The following IL1RAPL1 variants were observed in gnomAD, a reference collection of about 807,000 sequenced individuals.
The protein encoded by IL1RAPL1 is interleukin-1 receptor accessory protein-like 1.
In IL1RAPL1, 3 loss-of-function variants were observed where a neutral mutation model predicts 48.4. The ratio of observed to expected loss-of-function variants is 0.06; its 90% CI spans 0.03 to 0.16. The LOEUF (loss-of-function observed/expected upper bound fraction) is 0.16, where lower values mean the gene tolerates loss of function less well. IL1RAPL1 is among the 10% of genes least tolerant of loss of function. IL1RAPL1 has a pLI of 1.00. For synonymous variants in IL1RAPL1, 185 were observed against 187.7 expected (o/e 0.99, Z 0.12); for missense variants, 349 against 530.6 (o/e 0.66, Z 3.36).
chrX:28,839,130 G>A (rs1277787188), intron 2 of IL1RAPL1, among the ~76,000 whole-genome samples: 1 of 111,685 alleles, frequency 9.0e-6, no homozygotes, highest in Non-Finnish European at 1.9e-5. Flanking sequence ...CGAACACTTG[G>A]AATTTTTATA....
At chrX:29,146,415 C>G (rs1351092713) in intron 2 of IL1RAPL1, among the ~76,000 whole-genome samples, 1 of 111,468 alleles carries the variant, frequency 9.0e-6, no homozygotes, top group Admixed American at 9.6e-5. Flanking sequence ...TGCACCCTTT[C>G]CCTCCTTACA....
intron 2 of IL1RAPL1, among the ~76,000 whole-genome samples, chrX:29,155,679 A>G (rs1929555048): frequency 8.9e-6 from 1 of 112,018 alleles, no homozygotes; most frequent in Non-Finnish European, 1.9e-5. Context: ...TAAATATAAA[A>G]TAGAACCTTG....
intron 5 of IL1RAPL1, among the ~76,000 whole-genome samples, chrX:29,618,421 C>T (rs1402455276): frequency 8.9e-6 from 1 of 112,149 alleles, no homozygotes; most frequent in East Asian, 2.8e-4. Flanking sequence ...AAGCCACACA[C>T]GTTTAATTTT....
chrX:29,493,706 A>C (rs1479254818), intron 5 of IL1RAPL1, among the ~76,000 whole-genome samples: 1 of 111,374 alleles, frequency 9.0e-6, no homozygotes, highest in Non-Finnish European at 1.9e-5. Flanking sequence ...GTCAGGGGAT[A>C]CATGTGCAGG....
At chrX:29,465,485 G>A (rs1311238895) in intron 5 of IL1RAPL1, among the ~76,000 whole-genome samples, 5 of 111,706 alleles carry the variant, frequency 4.5e-5, no homozygotes, top group Admixed American at 9.5e-5. Flanking sequence ...ACTTCAGTGC[G>A]TGTCATGAGA....
chrX:29,605,510 G>A (rs1265750065), intron 5 of IL1RAPL1, among the ~76,000 whole-genome samples: 6 of 110,291 alleles, frequency 5.4e-5, no homozygotes, highest in African/African-American at 1.7e-4. Flanking sequence ...CCTTCAAAGC[G>A]GGAATCCTTA....
intron 5 of IL1RAPL1, among the ~76,000 whole-genome samples, chrX:29,489,187 C>T (rs189028449): frequency 5.5e-4 from 61 of 111,253 alleles, no homozygotes; most frequent in African/African-American, 1.5e-3. Context: ...GCTGTGGCCT[C>T]CCAGTTCTGC....
intron 6 of IL1RAPL1, among the ~76,000 whole-genome samples, chrX:29,814,560 T>C (rs1332160271): frequency 8.9e-6 from 1 of 111,884 alleles, no homozygotes; most frequent in African/African-American, 3.3e-5. Context: ...TAGTTTCTTA[T>C]GCTGTGCAGG....
chrX:29,111,383 C>A (rs1928562464), intron 2 of IL1RAPL1, among the ~76,000 whole-genome samples: 1 of 112,131 alleles, frequency 8.9e-6, no homozygotes. Flanking sequence ...GTTTATAATT[C>A]CACATTTTCT....
chrX:29,303,710 G>T (rs950873663), intron 3 of IL1RAPL1, among the ~76,000 whole-genome samples: 1 of 111,567 alleles, frequency 9.0e-6, no homozygotes, highest in Non-Finnish European at 1.9e-5. Flanking sequence ...AAGTATTTGG[G>T]CCCTAGGACC....
At chrX:29,469,091 G>T (rs1335174549) in intron 5 of IL1RAPL1, among the ~76,000 whole-genome samples, 2 of 111,927 alleles carry the variant, frequency 1.8e-5, no homozygotes, top group Non-Finnish European at 3.8e-5. Flanking sequence ...GGGAGCAAAA[G>T]AATTCTCTTT....
intron 2 of IL1RAPL1, among the ~76,000 whole-genome samples, chrX:29,131,888 C>G (rs934459649): frequency 9.0e-6 from 1 of 111,496 alleles, no homozygotes; most frequent in Non-Finnish European, 1.9e-5. Context: ...TTTTACTGAA[C>G]TCTCTCCTGC....
intron 1 of IL1RAPL1, among the ~76,000 whole-genome samples, chrX:28,768,755 C>CTCTCTCTCTCTCTCTCTCTCTCTATA (rs1364972830): frequency 2.9e-5 from 1 of 34,890 alleles, no homozygotes; most frequent in African/African-American, 1.2e-4. Context: ...CTCTCTCTCT[C>CTCTCTCTCTCTCTCTCTCTCTCTATA]TATATATATA....
chrX:29,364,361 C>G (rs193047501), intron 3 of IL1RAPL1, among the ~76,000 whole-genome samples: 2 of 108,726 alleles, frequency 1.8e-5, no homozygotes, highest in East Asian at 2.9e-4. Context: ...GATTTCGAGA[C>G]CAGCCTGTCC....
chrX:29,412,581 C>G (rs1031129433), intron 5 of IL1RAPL1, among the ~76,000 whole-genome samples: 9 of 112,249 alleles, frequency 8.0e-5, no homozygotes, highest in African/African-American at 2.9e-4. Context: ...GATTTTACCT[C>G]TTTTCACTTT....
intron 5 of IL1RAPL1, among the ~76,000 whole-genome samples, chrX:29,532,980 A>G (rs1221964656): frequency 8.9e-6 from 1 of 112,098 alleles, no homozygotes; most frequent in Non-Finnish European, 1.9e-5. Context: ...TCATCTGTCC[A>G]AAGATTTCTT....
chrX:28,925,542 T>C (rs769992346), intron 2 of IL1RAPL1, among the ~76,000 whole-genome samples: 11 of 111,866 alleles, frequency 9.8e-5, no homozygotes, highest in Admixed American at 8.6e-4. Flanking sequence ...TTTTGTGAAT[T>C]GCCTATTTCA....
At chrX:29,096,408 C>G (rs1366840662) in intron 2 of IL1RAPL1, among the ~76,000 whole-genome samples, 2 of 111,550 alleles carry the variant, frequency 1.8e-5, no homozygotes, top group Admixed American at 9.6e-5. Flanking sequence ...AATGCTTACT[C>G]GTACAGAATC....
At chrX:29,024,125 C>A (rs1180252672) in intron 2 of IL1RAPL1, among the ~76,000 whole-genome samples, 2 of 111,790 alleles carry the variant, frequency 1.8e-5, no homozygotes, top group Non-Finnish European at 3.8e-5. Flanking sequence ...TCAAACCACA[C>A]AGATAAGAAG....
Sources: allele counts gnomAD v4.1 joint callset (sites outside exome capture counted in the v4.1 genomes callset), GRCh38; gene constraint gnomAD v4.1.1; transcripts MANE v1.5; gene names NCBI Gene and HGNC (gene_info 2026-07-23, HGNC 2026-07-21).